NCAN: variants seen among roughly 807,000 people sequenced by gnomAD.
NCAN encodes the protein neurocan core protein.
In NCAN, 47 loss-of-function variants were observed where a neutral mutation model predicts 121.8. The observed-to-expected ratio is 0.39, with a 90% CI of 0.31 to 0.49. The LOEUF is 0.49. NCAN is among the 20% of genes least tolerant of loss of function. The pLI, the probability that NCAN is intolerant of heterozygous loss-of-function variation, is 0.92. For synonymous variants in NCAN, 633 were observed against 702.0 expected (o/e 0.90, Z 1.55); for missense variants, 1,517 against 1,773.4 (o/e 0.86, Z 2.60).
At chr19:19,240,812 T>C (rs1181722503) in intron 12 of NCAN, 127 bp downstream of exon 12, 2 of 903,066 alleles carry the variant, frequency 2.2e-6, no homozygotes, top group African/African-American at 3.3e-5. Context: ...TCCAAGATGC[T>C]GGAGTTGGCA....
Position 19,227,269 on chromosome 19 carries a change from A to T in NCAN, c.1661-12A>T. On this transcript the variant is annotated splice_polypyrimidine_tract_variant and intron_variant, in intron 7 of 14. Transcript: ENST00000252575. The surrounding 1 kb of genome is among the most constrained non-coding windows in gnomAD (Gnocchi z 4.2). ...AGAGATCATTGTAATGATTGCCTTGATGTTGTTGCAGGTTCTGCTGGTGGC... is the reference window on the plus strand; with the variant it reads ...AGAGATCATTGTAATGATTGCCTTGTTGTTGTTGCAGGTTCTGCTGGTGGC... The T allele has an allele frequency of 6.5e-7, 1 of 1,535,804 alleles. No individual in the cohort carries two copies. The highest frequency in any genetic ancestry group is 8.8e-7 in the Non-Finnish European group (1 of 1,142,672).
chr19:19,223,841 T>C (rs2146540584), intron 3 of NCAN, among the ~76,000 whole-genome samples, 180 bp from the exon 4 acceptor site: 1 of 152,294 alleles, frequency 6.6e-6, no homozygotes, highest in Middle Eastern at 3.4e-3. Context: ...TGTTATCAGT[T>C]TCCTCATCTG....
At chr19:19,221,698 C>A (rs563816495) in intron 3 of NCAN, among the ~76,000 whole-genome samples, 2 of 152,170 alleles carry the variant, frequency 1.3e-5, no homozygotes, top group South Asian at 2.1e-4. Context: ...CCAGTCTGAG[C>A]AAGATGGTGA....
intron 10 of NCAN, among the ~76,000 whole-genome samples, chr19:19,236,737 T>C (rs1326453197): frequency 6.6e-6 from 1 of 151,508 alleles, no homozygotes. Flanking sequence ...GCCTTTTTTT[T>C]TTTTTTTTGA....
At chr19:19,222,177 G>A (rs1184425001) in intron 3 of NCAN, among the ~76,000 whole-genome samples, 3 of 152,102 alleles carry the variant, frequency 2.0e-5, no homozygotes, top group African/African-American at 7.2e-5. Flanking sequence ...CCTCATTTCT[G>A]AAAATTGATA....
chr19:19,218,480 T>G (rs938268407), intron 2 of NCAN, among the ~76,000 whole-genome samples: 10 of 150,210 alleles, frequency 6.7e-5, no homozygotes, highest in East Asian at 1.9e-4. Flanking sequence ...AGTTTTTTGT[T>G]TTTTTTTTTG....
Position 19,227,358 on chromosome 19 carries a change from A to G in NCAN, c.1738A>G (p.Ser580Gly), listed in dbSNP as rs765896733. Residue 580 changes from serine to glycine, a missense_variant, in exon 8 of 15, where the codon AGC becomes GGC. Physicochemically the swap from Ser to Gly is moderately conservative, Grantham distance 56. Coordinates refer to ENST00000252575, the MANE Select transcript of NCAN (RefSeq NM_004386.3). This position sits in a 1 kb window ranked among gnomAD's most constrained non-coding sequence, Gnocchi z 4.2. ...GGTCCCACCCAGCATCTCAGGCCAC[A>G]GCAGGGCCCCTGTCCTGGAGCTAGA... ...TMVPPSISGH[S>G]RAPVLELEKA... is the part of the protein sequence containing the mutation. 4 of 1,613,140 alleles carry G rather than the reference A, an allele frequency of 2.5e-6. No homozygotes were observed. In the African/African-American group the frequency reaches 5.3e-5, roughly 22 times the overall value.
At chr19:19,243,933 G>A (rs2060914115) in intron 12 of NCAN, among the ~76,000 whole-genome samples, 1 of 150,972 alleles carries the variant, frequency 6.6e-6, no homozygotes, top group Admixed American at 6.6e-5. Context: ...GGCTGGGGCA[G>A]GAGAATTGCT....
At chr19:19,245,798 A>C (rs2060922428) in intron 13 of NCAN, among the ~76,000 whole-genome samples, 1 of 150,144 alleles carries the variant, frequency 6.7e-6, no homozygotes, top group African/African-American at 2.5e-5. Context: ...TTTTTTTTTC[A>C]TGAAGCATTC....
At position 19,245,396 on chromosome 19, in the gene NCAN, C is replaced by T. The variant is rs771319202; in HGVS notation, c.3576C>T (p.Ser1192=). The change falls in exon 13 of 15, where the codon AGC becomes AGT. Residue 1192 remains serine, a synonymous_variant. Coordinates refer to ENST00000252575, the MANE Select transcript of NCAN (RefSeq NM_004386.3). The part of the protein sequence containing the change: ...EDCVVMVAHE[S]GRWNDVPCNY... ...GTGTGGTGATGGTGGCGCATGAAAG[C>T]GGGCGCTGGAACGATGTCCCCTGCA... 1.1e-5 allele frequency: 18 copies of T among 1,614,118 alleles called. No homozygotes were observed. Among genetic ancestry groups the T allele is most frequent in the African/African-American group, 6.7e-5 (5 of 74,950 alleles).
chr19:19,244,227 A>C (rs1452393086), intron 12 of NCAN, among the ~76,000 whole-genome samples: 1 of 151,562 alleles, frequency 6.6e-6, no homozygotes, highest in African/African-American at 2.4e-5. Context: ...CTCAAGCAGA[A>C]CAAGTTCAGT....
chr19:19,220,463 T>TC (rs1645468431), intron 3 of NCAN, among the ~76,000 whole-genome samples: 1 of 134,810 alleles, frequency 7.4e-6, no homozygotes, highest in Admixed American at 7.5e-5. Flanking sequence ...TTTTTTTTTT[T>TC]TTTTTTTTTT....
chr19:19,224,981 G>C lies in NCAN; in HGVS notation c.783G>C (p.Glu261Asp). ...VYCFARELGG[E>D]VFYVGPARRL... ...CTCCACCCGCCCCTCCCGCAGGCGAGGTCTTCTACGTGGGCCCGGCCCGCC... is the reference window on the plus strand; with the variant it reads ...CTCCACCCGCCCCTCCCGCAGGCGACGTCTTCTACGTGGGCCCGGCCCGCC... The change falls in exon 6 of 15, where the codon GAG becomes GAC. Residue 261 changes from glutamate to aspartate, a missense_variant. By Grantham distance (45) the Glu-to-Asp change is conservative (BLOSUM62 2). Transcript: ENST00000252575. The C allele has an allele frequency of 7.0e-7, 1 of 1,438,124 alleles. No individual in the cohort carries two copies. Among genetic ancestry groups the C allele is most frequent in the Non-Finnish European group, 9.1e-7 (1 of 1,102,212 alleles). The allele number at this position is 1,438,124 out of a possible 1,614,324, so 89.1% of individuals were successfully genotyped here.
rs752804042 is a variant in NCAN at position 19,226,564 on chromosome 19, G to T, written c.1151G>T (p.Gly384Val). Residue 384 changes from glycine (G) to valine (V), a missense_variant, in exon 7 of 15, where the codon GGG becomes GTG. Physicochemically the swap from Gly to Val is moderately radical, Grantham distance 109. Transcript: ENST00000252575. The stretch of plus-strand genomic sequence containing the variant: ...GAGGGGGAGATTCTGTCAGCAGAGG[G>T]GCCCCCAGTTAGAGAACTGGAGCCC... Reference protein sequence around the residue: ...GDEGEILSAEGPPVRELEPTL... With the variant: ...GDEGEILSAEVPPVRELEPTL... The T allele has an allele frequency of 1.2e-6, 2 of 1,613,592 alleles. No homozygotes were observed. The highest frequency in any genetic ancestry group is 1.7e-6 in the Non-Finnish European group (2 of 1,179,734).
intron 1 of NCAN, among the ~76,000 whole-genome samples, chr19:19,213,747 G>T (rs1415705656): frequency 1.3e-5 from 2 of 152,106 alleles, no homozygotes; most frequent in African/African-American, 4.8e-5. Flanking sequence ...GGTGTGGGAC[G>T]TGGTCTGTGT....
chr19:19,248,339 G>A (rs2146561775), intron 13 of NCAN, among the ~76,000 whole-genome samples: 1 of 152,058 alleles, frequency 6.6e-6, no homozygotes, highest in Middle Eastern at 3.4e-3. Flanking sequence ...CAGCTCCTCG[G>A]GAGGTTGAGG....
intron 6 of NCAN, among the ~76,000 whole-genome samples, chr19:19,226,200 G>A (rs2060836028): frequency 6.6e-6 from 1 of 152,132 alleles, no homozygotes; most frequent in Admixed American, 6.6e-5. Flanking sequence ...AAAGTGCTGG[G>A]ATTACGGACG....
chr19:19,215,541 C>T (rs982687689), intron 1 of NCAN, among the ~76,000 whole-genome samples: 1 of 152,186 alleles, frequency 6.6e-6, no homozygotes, highest in East Asian at 1.9e-4. Context: ...AATGGACCCA[C>T]AACTGAAGTT....
chr19:19,222,743 G>A (rs1475708546), intron 3 of NCAN, among the ~76,000 whole-genome samples: 1 of 152,092 alleles, frequency 6.6e-6, no homozygotes, highest in Admixed American at 6.6e-5. Context: ...CCTGTTACCA[G>A]GGCTTCACAT....
Sources: allele counts gnomAD v4.1 joint callset (sites outside exome capture counted in the v4.1 genomes callset), GRCh38; gene constraint gnomAD v4.1.1; non-coding constraint Gnocchi (gnomAD v3.1); transcripts MANE v1.5; gene names NCBI Gene and HGNC (gene_info 2026-07-23, HGNC 2026-07-21).